ADGRL2: variants seen among roughly 807,000 people sequenced by gnomAD.
ADGRL2 encodes the protein calcium-independent alpha-latrotoxin receptor 2.
In ADGRL2, 44 loss-of-function variants were observed where a neutral mutation model predicts 157.4. The observed-to-expected ratio is 0.28, with a 90% CI of 0.22 to 0.36. The LOEUF is 0.36. Ranked by LOEUF, ADGRL2 falls within the 10% of genes least tolerant of loss-of-function variation. ADGRL2 has a pLI of 1.00. For missense variants in ADGRL2, 1,510 were observed against 1,768.9 expected (o/e 0.85, Z 2.63); for synonymous variants, 585 against 624.7 (o/e 0.94, Z 0.95).
chr1:81,330,876 G>A (rs940940936), intron 1 of ADGRL2, among the ~76,000 whole-genome samples: 4 of 152,100 alleles, frequency 2.6e-5, no homozygotes, highest in Non-Finnish European at 4.4e-5. Context: ...GTTGCTCAAC[G>A]GATGTTTTAA....
rs1664738880 is a variant in ADGRL2, at chr1:81,992,512, G to T, written c.*1367G>T. The T allele has an allele frequency of 6.6e-6, 1 of 152,424 alleles. No individual in the cohort carries two copies. The highest frequency in any genetic ancestry group is 2.4e-5 in the African/African-American group (1 of 41,436). 9.4% of individuals were successfully genotyped at this position (152,424 alleles called of 1,614,324 possible). A position where few individuals can be genotyped will look rare whatever the true frequency, so the allele number is the denominator to read the frequency against. ...TTGGTTTAAGTAACGTCATACCAAA[G>T]TCCATGGATATATGAAAGGATACAA... On this transcript the variant is annotated 3_prime_UTR_variant, in exon 24 of 24. Coordinates refer to ENST00000686636, the MANE Select transcript of ADGRL2 (RefSeq NM_001366006.2).
At chr1:81,508,254 G>T (rs994918744) in intron 2 of ADGRL2, among the ~76,000 whole-genome samples, 1 of 152,188 alleles carries the variant, frequency 6.6e-6, no homozygotes, top group Non-Finnish European at 1.5e-5. Flanking sequence ...ACTTCTCGAT[G>T]CATGCATGTT....
At chr1:81,410,494 C>T (rs998125956) in intron 1 of ADGRL2, among the ~76,000 whole-genome samples, 5 of 152,160 alleles carry the variant, frequency 3.3e-5, no homozygotes, top group Non-Finnish European at 7.3e-5. Flanking sequence ...CCCCAGGCAT[C>T]AAAGGAATTA....
chr1:81,417,080 A>G (rs1006446759), intron 1 of ADGRL2, among the ~76,000 whole-genome samples: 3 of 152,216 alleles, frequency 2.0e-5, no homozygotes, highest in Admixed American at 6.5e-5. Context: ...TACAAAAAGC[A>G]TCTTCCTTTA....
At chr1:81,397,570 C>T (rs766653043) in intron 1 of ADGRL2, among the ~76,000 whole-genome samples, 3 of 152,060 alleles carry the variant, frequency 2.0e-5, no homozygotes, top group Non-Finnish European at 2.9e-5. Context: ...CCACCCACCT[C>T]GGCCTCCCAA....
chr1:81,430,057 C>A lies in ADGRL2; in HGVS notation c.-301-14979C>A, dbSNP rs183196671. On this transcript the variant is annotated intron_variant, in intron 1 of 24. Coordinates refer to the ADGRL2 transcript ENST00000370721. ...TACAGGCATGCACCGCCACGCCTGG[C>A]TTATTTTGTATTTTCAGTAGAGACG... Among the ~76,000 whole-genome samples, 1,088 of 152,148 alleles carry A rather than the reference C, an allele frequency of 7.2e-3. 5 individuals carry two copies. The highest frequency in any genetic ancestry group is 0.016 in the Admixed American group (242 of 15,284).
At chr1:81,760,190 A>T (rs9324188) in intron 1 of ADGRL2, among the ~76,000 whole-genome samples, 2 of 151,880 alleles carry the variant, frequency 1.3e-5, no homozygotes, top group Non-Finnish European at 2.9e-5. Context: ...AAATTGTTAG[A>T]GGTGTTATCA....
intron 1 of ADGRL2, among the ~76,000 whole-genome samples, chr1:81,420,094 A>G (rs1360368427): frequency 6.6e-6 from 1 of 152,224 alleles, no homozygotes; most frequent in East Asian, 1.9e-4. Flanking sequence ...AAAAAAATAG[A>G]GGCAACCTAA....
intron 1 of ADGRL2, among the ~76,000 whole-genome samples, chr1:81,383,410 AATAG>A (rs1161853166): frequency 1.3e-5 from 2 of 152,130 alleles, no homozygotes; most frequent in Non-Finnish European, 1.5e-5. Flanking sequence ...CGGAATGAGG[AATAG>A]ATAGAGAGAG....
At chr1:81,792,671 TTTTCTATA>T (rs2087405510) in intron 2 of ADGRL2, among the ~76,000 whole-genome samples, 1 of 152,140 alleles carries the variant, frequency 6.6e-6, no homozygotes, top group Non-Finnish European at 1.5e-5. Context: ...CATGTGCTTA[TTTTCTATA>T]TACATAAACA....
chr1:81,361,606 T>G (rs939452323), intron 1 of ADGRL2, among the ~76,000 whole-genome samples: 3 of 151,964 alleles, frequency 2.0e-5, no homozygotes, highest in African/African-American at 4.8e-5. Context: ...AGTGAAAGTA[T>G]GTTAATTTTG....
At chr1:81,948,497 C>T (rs997500646) in intron 6 of ADGRL2, among the ~76,000 whole-genome samples, 1 of 152,144 alleles carries the variant, frequency 6.6e-6, no homozygotes, top group African/African-American at 2.4e-5. Context: ...TTTTGCTCTG[C>T]CCCCTTCTTT....
chr1:81,491,747 G>T (rs1285337424), intron 2 of ADGRL2, among the ~76,000 whole-genome samples: 2 of 152,130 alleles, frequency 1.3e-5, no homozygotes, highest in Non-Finnish European at 2.9e-5. Context: ...ACGGTGGTGG[G>T]TGCTGCTAAT....
intron 2 of ADGRL2, among the ~76,000 whole-genome samples, chr1:81,561,936 C>T (rs1315281536): frequency 6.6e-6 from 1 of 152,142 alleles, no homozygotes; most frequent in East Asian, 1.9e-4. Flanking sequence ...AATCTTCATG[C>T]CTTTTGGGGC....
chr1:81,932,762 C>T (rs2095252322), intron 3 of ADGRL2, among the ~76,000 whole-genome samples: 1 of 152,130 alleles, frequency 6.6e-6, no homozygotes, highest in Non-Finnish European at 1.5e-5. Context: ...GGTGCAATCT[C>T]AGCTCACTGC....
At chr1:81,971,380 T>G (rs1010124984) in intron 16 of ADGRL2, among the ~76,000 whole-genome samples, 24 of 152,220 alleles carry the variant, frequency 1.6e-4, no homozygotes, top group Non-Finnish European at 2.8e-4. Flanking sequence ...ATTATATTTC[T>G]GCTACACTGT....
chr1:81,814,979 C>A (rs1401277004), intron 1 of ADGRL2, among the ~76,000 whole-genome samples: 1 of 151,590 alleles, frequency 6.6e-6, no homozygotes, highest in Non-Finnish European at 1.5e-5. Flanking sequence ...AAGGAAATCC[C>A]TAAAATTCAG....
At chr1:81,903,109 A>G (rs1557877678) in intron 2 of ADGRL2, among the ~76,000 whole-genome samples, 1 of 152,204 alleles carries the variant, frequency 6.6e-6, no homozygotes, top group Non-Finnish European at 1.5e-5. Context: ...TTCTTCAGAA[A>G]AGGTTTTAAT....
chr1:81,948,832 G>T (rs1026473742), intron 6 of ADGRL2, among the ~76,000 whole-genome samples: 1 of 152,100 alleles, frequency 6.6e-6, no homozygotes, highest in Non-Finnish European at 1.5e-5. Context: ...TTGAGGTAGA[G>T]GGGGGGAAAG....
Sources: allele counts gnomAD v4.1 joint callset (sites outside exome capture counted in the v4.1 genomes callset), GRCh38; gene constraint gnomAD v4.1.1; transcripts MANE v1.5; gene names NCBI Gene and HGNC (gene_info 2026-07-23, HGNC 2026-07-21).